FARS2: variants seen among roughly 807,000 people sequenced by gnomAD.
The protein encoded by FARS2 is phenylalanine--tRNA ligase, mitochondrial.
In FARS2, 40 loss-of-function variants were observed where a neutral mutation model predicts 46.4. The observed-to-expected ratio is 0.86, with a 90% confidence interval of 0.67 to 1.12. FARS2 has a LOEUF of 1.12. Ranked by LOEUF, FARS2 falls within the 50% of genes most tolerant of loss-of-function variation. The pLI is 0.00. For synonymous variants in FARS2, 234 were observed against 214.9 expected (o/e 1.09, Z -0.78); for missense variants, 513 against 567.9 (o/e 0.90, Z 0.98).
chr6:5,250,700 C>A, the FARS2 span, among the ~76,000 whole-genome samples: 1 of 147,720 alleles, frequency 6.8e-6, no homozygotes, highest in African/African-American at 2.6e-5. Flanking sequence ...TATATGAAAT[C>A]CAGTAATATA....
intron 1 of FARS2, among the ~76,000 whole-genome samples, chr6:5,309,282 C>G (rs1328627992): frequency 6.6e-6 from 1 of 151,914 alleles, no homozygotes; most frequent in Non-Finnish European, 1.5e-5. Context: ...GTGGGAGATT[C>G]AAGGAGAAGG....
chr6:5,405,474 A>G (rs1203701530), intron 3 of FARS2, among the ~76,000 whole-genome samples: 1 of 111,072 alleles, frequency 9.0e-6, no homozygotes, highest in East Asian at 2.2e-4. Context: ...TCAGTGGAGC[A>G]AGGTTCTTTT....
chr6:5,269,459 T>A (rs1204424417), intron 1 of FARS2, among the ~76,000 whole-genome samples: 52 of 137,524 alleles, frequency 3.8e-4, no homozygotes, highest in African/African-American at 4.8e-4. Flanking sequence ...TAAAGTATAA[T>A]AAAAAAAAAA....
chr6:5,422,781 A>G (rs994912297), intron 3 of FARS2, among the ~76,000 whole-genome samples: 1 of 152,178 alleles, frequency 6.6e-6, no homozygotes, highest in Non-Finnish European at 1.5e-5. Flanking sequence ...CACAATTTAG[A>G]CATGCTTATT....
intron 5 of FARS2, among the ~76,000 whole-genome samples, chr6:5,554,923 T>A (rs2150523010): frequency 6.6e-6 from 1 of 151,716 alleles, no homozygotes; most frequent in South Asian, 2.1e-4. Flanking sequence ...CTTAAAGTTA[T>A]TTCTAATCTA....
intron 5 of FARS2, among the ~76,000 whole-genome samples, chr6:5,585,102 T>TG (rs1300937033): frequency 6.6e-6 from 1 of 152,180 alleles, no homozygotes; most frequent in Admixed American, 6.5e-5. Context: ...CAGAATTATG[T>TG]GGGGAAAACA....
chr6:5,431,775 C>T (rs1763184528), intron 4 of FARS2: 2 of 477,650 alleles, frequency 4.2e-6, no homozygotes, highest in African/African-American at 4.0e-5. Flanking sequence ...TTCTGTAAGA[C>T]CATTGCTTAA....
chr6:5,701,801 A>G (rs550346489), intron 6 of FARS2, among the ~76,000 whole-genome samples: 5 of 152,364 alleles, frequency 3.3e-5, no homozygotes, highest in Non-Finnish European at 7.3e-5. Context: ...CAGTATTCTA[A>G]TAAGAACTTT....
chr6:5,258,963 T>C (rs150463004), upstream of FARS2, among the ~76,000 whole-genome samples: 25 of 152,336 alleles, frequency 1.6e-4, no homozygotes, highest in East Asian at 4.4e-3. Flanking sequence ...TTGGGCCTCA[T>C]TTGCTCATAA....
Position 5,545,741 on chromosome 6 carries a change from A to T in FARS2, c.1065+401A>T, listed in dbSNP as rs532152866. On this transcript the variant is annotated intron_variant, in intron 5 of 6. Transcript: ENST00000274680. ...TTTCTGTTTCTCTGTTAGTTTGCTG[A>T]GAATGATGGTTTCCAGCTTCATCCA... Among the ~76,000 whole-genome samples, 16 of 152,314 alleles carry T rather than the reference A, an allele frequency of 1.1e-4. No individual in the cohort carries two copies. In the South Asian group the frequency reaches 2.9e-3, roughly 28 times the overall value.
intron 4 of FARS2, among the ~76,000 whole-genome samples, chr6:5,539,408 T>TATATATATATATATATA (rs68137910): frequency 1.1e-5 from 1 of 93,942 alleles, no homozygotes; most frequent in African/African-American, 7.9e-5. Flanking sequence ...ATGTATATAT[T>TATATATATATATATATA]TTTTTAGTAG....
chr6:5,335,457 A>G (rs1326035110), intron 1 of FARS2, among the ~76,000 whole-genome samples: 4 of 152,198 alleles, frequency 2.6e-5, no homozygotes, highest in Non-Finnish European at 5.9e-5. Context: ...TTGCACTTAC[A>G]TATTGATGTT....
chr6:5,403,158 A>G (rs1761360170), intron 2 of FARS2, among the ~76,000 whole-genome samples: 1 of 152,190 alleles, frequency 6.6e-6, no homozygotes. Flanking sequence ...GAGGCCTAGG[A>G]TATTAGAATA....
At chr6:5,499,682 A>G (rs1767676480) in intron 4 of FARS2, among the ~76,000 whole-genome samples, 1 of 152,156 alleles carries the variant, frequency 6.6e-6, no homozygotes, top group South Asian at 2.1e-4. Flanking sequence ...CTTCAGGATC[A>G]TTGTCTCCCA....
At chr6:5,420,050 C>A (rs1369424444) in intron 3 of FARS2, among the ~76,000 whole-genome samples, 2 of 152,152 alleles carry the variant, frequency 1.3e-5, no homozygotes, top group African/African-American at 4.8e-5. Flanking sequence ...ACAATCGTGG[C>A]AGAAGGCGAA....
At chr6:5,541,131 A>G (rs1402676991) in intron 4 of FARS2, among the ~76,000 whole-genome samples, 2 of 152,166 alleles carry the variant, frequency 1.3e-5, no homozygotes, top group Non-Finnish European at 2.9e-5. Context: ...TATGTAAGCT[A>G]TATTGGCATG....
intron 1 of FARS2, among the ~76,000 whole-genome samples, chr6:5,347,502 G>A (rs774048774): frequency 3.9e-5 from 6 of 152,082 alleles, no homozygotes; most frequent in Non-Finnish European, 5.9e-5. Flanking sequence ...GTGTATAGTA[G>A]TTTGTGTGTG....
At chr6:5,485,185 G>C (rs1377098109) in intron 4 of FARS2, among the ~76,000 whole-genome samples, 1 of 152,076 alleles carries the variant, frequency 6.6e-6, no homozygotes, top group Non-Finnish European at 1.5e-5. Flanking sequence ...AGTGGACTCG[G>C]AGCTGCCTCT....
chr6:5,281,732 T>C (rs187967018), intron 1 of FARS2, among the ~76,000 whole-genome samples: 161 of 151,826 alleles, frequency 1.1e-3, no homozygotes, highest in African/African-American at 3.6e-3. Context: ...GATATCTCTC[T>C]GTGTGTCTAC....
Sources: gnomAD v4.1 joint callset for allele counts (sites outside exome capture counted in the v4.1 genomes callset) on GRCh38, gnomAD v4.1.1 for gene constraint, MANE v1.5 for transcripts, NCBI Gene and HGNC (gene_info 2026-07-23, HGNC 2026-07-21) for gene names.